Variants in PIK3CD observed in about 807,000 individuals in gnomAD.
PIK3CD encodes phosphatidylinositol 4,5-bisphosphate 3-kinase catalytic subunit delta isoform.
In PIK3CD, 20 loss-of-function variants were observed where a neutral mutation model predicts 122.9. The observed-to-expected ratio is 0.16, with a 90% CI of 0.11 to 0.24. The LOEUF (loss-of-function observed/expected upper bound fraction) is 0.24, where lower values mean the gene tolerates loss of function less well. Among genes scored for constraint, PIK3CD ranks in the 10% least tolerant of loss-of-function variants. PIK3CD has a pLI of 1.00. For synonymous variants in PIK3CD, 596 were observed against 593.4 expected (o/e 1.00, Z -0.06); for missense variants, 787 against 1,406.3 (o/e 0.56, Z 7.04).
intron 2 of PIK3CD, among the ~76,000 whole-genome samples, chr1:9,703,860 C>T (rs144065161): frequency 1.2e-4 from 19 of 152,224 alleles, no homozygotes; most frequent in South Asian, 2.1e-4. Flanking sequence ...CATGTATTTG[C>T]ATTTCTCTGG....
intron 14 of PIK3CD, 73 bp from the exon 15 acceptor site, chr1:9,721,371 T>G (rs1397889333): frequency 6.2e-7 from 1 of 1,608,558 alleles, no homozygotes; most frequent in Non-Finnish European, 8.5e-7. Flanking sequence ...CTGGCCTCCC[T>G]CTGGCTGCCG....
the PIK3CD span, among the ~76,000 whole-genome samples, chr1:9,631,679 G>A: frequency 1.3e-5 from 2 of 152,204 alleles, no homozygotes; most frequent in African/African-American, 4.8e-5. Flanking sequence ...GAAAAAAAAG[G>A]GAGGGGGGCA....
chr1:9,653,113 G>A (rs1290072050), intron 1 of PIK3CD: 1 of 152,276 alleles, frequency 6.6e-6, no homozygotes. Flanking sequence ...GGGTTGGAGT[G>A]GGAAGGGGCA....
At chr1:9,684,723 T>C (rs1348771507) in intron 1 of PIK3CD, among the ~76,000 whole-genome samples, 3 of 149,970 alleles carry the variant, frequency 2.0e-5, no homozygotes, top group African/African-American at 7.4e-5. Flanking sequence ...TAGTTGGGCA[T>C]GGTGGCACAC....
chr1:9,726,598 G>C (rs1235972260), intron 23 of PIK3CD, among the ~76,000 whole-genome samples: 2 of 152,146 alleles, frequency 1.3e-5, no homozygotes, highest in Non-Finnish European at 2.9e-5. Context: ...TGAGGCTGCT[G>C]GGGCCACACA....
chr1:9,675,558 C>T (rs895845598), intron 1 of PIK3CD, among the ~76,000 whole-genome samples: 4 of 152,016 alleles, frequency 2.6e-5, no homozygotes, highest in East Asian at 1.9e-4. Context: ...CCTCCAAACA[C>T]GGGCTTGTTC....
At chr1:9,643,036 A>T in the PIK3CD span, among the ~76,000 whole-genome samples, 1 of 148,730 alleles carries the variant, frequency 6.7e-6, no homozygotes, top group African/African-American at 2.5e-5. Flanking sequence ...CCATGGTTAC[A>T]CCACTGCACT....
chr1:9,636,760 C>T, the PIK3CD span, among the ~76,000 whole-genome samples: 1 of 152,198 alleles, frequency 6.6e-6, no homozygotes, highest in Non-Finnish European at 1.5e-5. Flanking sequence ...TACCCGGCTT[C>T]AGGGTTGTAG....
chr1:9,725,198 C>T (rs1649325246), intron 23 of PIK3CD, among the ~76,000 whole-genome samples: 1 of 152,204 alleles, frequency 6.6e-6, no homozygotes, highest in African/African-American at 2.4e-5. Context: ...GTGCTCAGGG[C>T]TGCGGGGCTT....
chr1:9,727,224 A>G lies in PIK3CD; in HGVS notation c.*178A>G. 1.3e-6 allele frequency: 1 copy of G among 753,706 alleles called. No homozygotes were observed. The highest frequency in any genetic ancestry group is 2.2e-6 in the Non-Finnish European group (1 of 457,532). The allele number at this position is 753,706 out of a possible 1,614,324, so 46.7% of individuals were successfully genotyped here. On this transcript the variant is annotated 3_prime_UTR_variant, in exon 24 of 24. Coordinates refer to ENST00000377346, the MANE Select transcript of PIK3CD (RefSeq NM_005026.5). ...CTTGAAATAGTTTAAGGAGCTAAAC[A>G]GCCATAAACGGAAACGCCTCCTTCA...
At chr1:9,669,702 G>A (rs907590924) in intron 1 of PIK3CD, among the ~76,000 whole-genome samples, 3 of 152,040 alleles carry the variant, frequency 2.0e-5, no homozygotes, top group Non-Finnish European at 2.9e-5. Flanking sequence ...GGAAAGTCAC[G>A]CAAACAGGGT....
chr1:9,687,575 T>A (rs1570233494), intron 1 of PIK3CD: 1 of 136,778 alleles, frequency 7.3e-6, no homozygotes, highest in Non-Finnish European at 1.6e-5. Flanking sequence ...GAGGGAGAGA[T>A]GGGAGGGCGT....
In PIK3CD at chr1:9,720,249, G is replaced by A; in HGVS notation, c.1470+7G>A. 1 of 1,601,284 alleles carries A rather than the reference G, an allele frequency of 6.2e-7. No homozygotes were observed. The highest frequency in any genetic ancestry group is 8.5e-7 in the Non-Finnish European group (1 of 1,171,136). On this transcript the variant is annotated splice_region_variant and intron_variant, in intron 11 of 23. Transcript: ENST00000377346. The surrounding 1 kb of genome is among the most constrained non-coding windows in gnomAD (Gnocchi z 9.0). ...CTACCCCGCCCTGGAGAAGGTCAGT[G>A]GGGGCCCCGCCGCGTGAGGCTGAGG...
At chr1:9,627,546 G>T in the PIK3CD span, among the ~76,000 whole-genome samples, 2 of 152,256 alleles carry the variant, frequency 1.3e-5, no homozygotes, top group African/African-American at 4.8e-5. Flanking sequence ...CGGCTGTAAG[G>T]ATTAAATTAG....
rs1343753124 is a variant in PIK3CD at position 9,728,206 on chromosome 1, T to C, written c.*1160T>C. On this transcript the variant is annotated 3_prime_UTR_variant, in exon 24 of 24. Transcript: ENST00000377346. ...CACCTTTGGGAACCTGCTGTGAGAG[T>C]GCTGAGGTACCAGAAGTGTGAGAAC... 1 of 152,110 alleles carries C rather than the reference T, an allele frequency of 6.6e-6. No homozygotes were observed. Among genetic ancestry groups the C allele is most frequent in the Non-Finnish European group, 1.5e-5 (1 of 68,058 alleles). The allele number at this position is 152,110 out of a possible 1,614,324, so 9.4% of individuals were successfully genotyped here.
At chr1:9,649,101 C>CA (rs113911859), upstream of PIK3CD, among the ~76,000 whole-genome samples, 1 of 149,630 alleles carries the variant, frequency 6.7e-6, no homozygotes, top group African/African-American at 2.5e-5. Context: ...GACCCTGTCT[C>CA]AACAAACAAA....
chr1:9,720,136 C>T lies in PIK3CD; in HGVS notation c.1364C>T (p.Pro455Leu). ...VPDEKGELLN[P>L]TGTVRSNPNT... ...GATGAGAAGGGCGAGCTGCTGAACC[C>T]CACGGGCACTGTGCGCAGTAACCCC... The change falls in exon 11 of 24, where the codon CCC becomes CTC. Residue 455 changes from proline (P) to leucine (L), a missense_variant. This residue lies in a region of PIK3CD where 592 missense variants were observed against 920.6 expected (regional missense o/e 0.64). Transcript: ENST00000377346. This position sits in a 1 kb window ranked among gnomAD's most constrained non-coding sequence, Gnocchi z 9.0. The T allele has an allele frequency of 6.2e-7, 1 of 1,613,226 alleles. No homozygotes were observed. The highest frequency in any genetic ancestry group is 8.5e-7 in the Non-Finnish European group (1 of 1,180,012).
At chr1:9,694,419 A>T (rs1646323550) in intron 2 of PIK3CD, among the ~76,000 whole-genome samples, 1 of 152,186 alleles carries the variant, frequency 6.6e-6, no homozygotes, top group African/African-American at 2.4e-5. Flanking sequence ...CTGTAATCCC[A>T]GCTACTTAGG....
At chr1:9,660,683 C>T (rs1051216002) in intron 1 of PIK3CD, 1 of 152,168 alleles carries the variant, frequency 6.6e-6, no homozygotes, top group Admixed American at 6.5e-5. Flanking sequence ...AGCGTGGGCA[C>T]ACACTCGGGA....
Sources: allele counts gnomAD v4.1 joint callset (sites outside exome capture counted in the v4.1 genomes callset), GRCh38; gene constraint gnomAD v4.1.1; regional missense constraint gnomAD v4.1.1; non-coding constraint Gnocchi (gnomAD v3.1); transcripts MANE v1.5; gene names NCBI Gene and HGNC (gene_info 2026-07-23, HGNC 2026-07-21).